The following NKAIN3 variants were observed in gnomAD, a reference collection of about 807,000 sequenced individuals.
The protein encoded by NKAIN3 is sodium/potassium-transporting ATPase subunit beta-1-interacting protein 3.
A neutral mutation model predicts 30.2 loss-of-function variants in NKAIN3; 25 were observed. The ratio of observed to expected loss-of-function variants is 0.83; its 90% CI spans 0.60 to 1.16. The LOEUF is 1.16. Ranked by LOEUF, NKAIN3 falls within the 50% of genes most tolerant of loss-of-function variation. The probability of loss-of-function intolerance (pLI) is 0.00; values close to 1 mark genes in which losing one functional copy is unlikely to be tolerated. For missense variants in NKAIN3, 225 were observed against 254.1 expected (o/e 0.89, Z 0.78); for synonymous variants, 91 against 89.6 (o/e 1.02, Z -0.09).
chr8:62,737,386 C>A (rs1815709130), intron 3 of NKAIN3, among the ~76,000 whole-genome samples: 2 of 152,198 alleles, frequency 1.3e-5, no homozygotes, highest in Non-Finnish European at 2.9e-5. Context: ...TAAGCAGATA[C>A]TATTGTTCTT....
At chr8:62,773,929 T>C (rs746445695) in intron 4 of NKAIN3, among the ~76,000 whole-genome samples, 5 of 152,254 alleles carry the variant, frequency 3.3e-5, no homozygotes, top group Non-Finnish European at 5.9e-5. Flanking sequence ...CAATTGTTTC[T>C]TCTATTGCTC....
intron 3 of NKAIN3, among the ~76,000 whole-genome samples, chr8:62,615,847 G>A (rs1811435799): frequency 6.6e-6 from 1 of 152,130 alleles, no homozygotes; most frequent in African/African-American, 2.4e-5. Flanking sequence ...GCCAGGGATA[G>A]GGAAAGGGTG....
At chr8:62,868,789 A>T (rs1389526268) in intron 4 of NKAIN3, among the ~76,000 whole-genome samples, 1 of 152,210 alleles carries the variant, frequency 6.6e-6, no homozygotes. Context: ...AAGGGCTGTC[A>T]TCGGAGGCCC....
intron 1 of NKAIN3, among the ~76,000 whole-genome samples, chr8:62,571,120 G>C (rs1447082459): frequency 6.8e-6 from 1 of 147,888 alleles, no homozygotes; most frequent in East Asian, 2.0e-4. Context: ...AATAAGTCTT[G>C]GGTTATTGAA....
At chr8:62,675,675 A>G (rs1205319251) in intron 3 of NKAIN3, among the ~76,000 whole-genome samples, 2 of 152,166 alleles carry the variant, frequency 1.3e-5, no homozygotes, top group African/African-American at 4.8e-5. Context: ...GCTCACTGAC[A>G]GCTGCAAGGT....
chr8:62,471,440 G>A (rs1355160166), intron 1 of NKAIN3, among the ~76,000 whole-genome samples: 6 of 152,028 alleles, frequency 3.9e-5, no homozygotes, highest in Non-Finnish European at 5.9e-5. Context: ...CTGTGAAAAC[G>A]ATGTTTTACG....
chr8:62,760,917 C>T (rs1816638003), intron 4 of NKAIN3, among the ~76,000 whole-genome samples: 1 of 152,090 alleles, frequency 6.6e-6, no homozygotes, highest in Non-Finnish European at 1.5e-5. Flanking sequence ...TCCTGGGGTA[C>T]AGGAAGCCTC....
chr8:62,503,135 G>T (rs1257221707), intron 1 of NKAIN3, among the ~76,000 whole-genome samples: 1 of 152,122 alleles, frequency 6.6e-6, no homozygotes, highest in African/African-American at 2.4e-5. Flanking sequence ...TTCAACATAG[G>T]TTCTTTCTAT....
chr8:62,430,118 T>G (rs1469090196), intron 1 of NKAIN3, among the ~76,000 whole-genome samples: 1 of 151,844 alleles, frequency 6.6e-6, no homozygotes, highest in Non-Finnish European at 1.5e-5. Flanking sequence ...CTTTGTGACT[T>G]GCTTATTTCA....
At chr8:62,607,101 A>T (rs772437304) in intron 3 of NKAIN3, among the ~76,000 whole-genome samples, 2 of 152,304 alleles carry the variant, frequency 1.3e-5, no homozygotes, top group East Asian at 3.9e-4. Context: ...GAAGTTAGCC[A>T]TACAGGGAGA....
chr8:62,641,772 G>A (rs1023297146), intron 3 of NKAIN3, among the ~76,000 whole-genome samples: 4 of 152,110 alleles, frequency 2.6e-5, no homozygotes, highest in African/African-American at 7.2e-5. Flanking sequence ...ATGTGTGTGA[G>A]AACGAATAAA....
At chr8:62,500,814 C>A (rs1359472486) in intron 1 of NKAIN3, among the ~76,000 whole-genome samples, 1 of 152,126 alleles carries the variant, frequency 6.6e-6, no homozygotes, top group Non-Finnish European at 1.5e-5. Context: ...GCTTTTGTTG[C>A]TCTTATTTTG....
At chr8:62,475,540 T>G (rs190881607) in intron 1 of NKAIN3, among the ~76,000 whole-genome samples, 2 of 152,154 alleles carry the variant, frequency 1.3e-5, no homozygotes, top group East Asian at 3.9e-4. Context: ...ATCTACGGAG[T>G]TTTACAGCCA....
chr8:62,570,827 T>G (rs1273212109), intron 1 of NKAIN3, among the ~76,000 whole-genome samples: 1 of 152,090 alleles, frequency 6.6e-6, no homozygotes, highest in Non-Finnish European at 1.5e-5. Flanking sequence ...TCATTCCACT[T>G]GGATTTTTCC....
intron 3 of NKAIN3, among the ~76,000 whole-genome samples, chr8:62,651,837 C>T (rs1376082694): frequency 6.6e-6 from 1 of 152,060 alleles, no homozygotes; most frequent in Non-Finnish European, 1.5e-5. Flanking sequence ...GACCTCCCTC[C>T]TCCCTTGCTC....
intron 1 of NKAIN3, among the ~76,000 whole-genome samples, chr8:62,548,877 AT>A (rs1255034276): frequency 8.6e-5 from 13 of 151,830 alleles, no homozygotes; most frequent in Non-Finnish European, 1.6e-4. Context: ...GGAACTGATT[AT>A]TATTTAACTT....
chr8:62,340,596 C>T (rs1295773505), intron 1 of NKAIN3, among the ~76,000 whole-genome samples: 3 of 151,956 alleles, frequency 2.0e-5, no homozygotes, highest in Non-Finnish European at 4.4e-5. Flanking sequence ...GAGTATGATG[C>T]TCTGAGCTGC....
intron 4 of NKAIN3, among the ~76,000 whole-genome samples, chr8:62,872,648 G>T (rs769229689): frequency 6.6e-6 from 1 of 152,142 alleles, no homozygotes; most frequent in Non-Finnish European, 1.5e-5. Flanking sequence ...CTGCCAAATG[G>T]CATTGTGAAC....
chr8:62,526,438 T>C (rs1808306641), intron 1 of NKAIN3, among the ~76,000 whole-genome samples: 1 of 152,152 alleles, frequency 6.6e-6, no homozygotes, highest in South Asian at 2.1e-4. Flanking sequence ...GATTTCTGCC[T>C]CAGAGTAGAG....
Sources: gnomAD v4.1 joint callset for allele counts (sites outside exome capture counted in the v4.1 genomes callset) on GRCh38, gnomAD v4.1.1 for gene constraint, MANE v1.5 for transcripts, NCBI Gene and HGNC (gene_info 2026-07-23, HGNC 2026-07-21) for gene names.